Variants in ADGRB3 observed in about 807,000 individuals in gnomAD.
ADGRB3 encodes brain-specific angiogenesis inhibitor 3.
A neutral mutation model predicts 193.4 loss-of-function variants in ADGRB3; 37 were observed. The ratio of observed to expected loss-of-function variants is 0.19; its 90% confidence interval spans 0.15 to 0.25. ADGRB3 has a LOEUF of 0.25. Ranked by LOEUF, ADGRB3 falls within the 10% of genes least tolerant of loss-of-function variation. The probability of loss-of-function intolerance (pLI) is 1.00; values close to 1 mark genes in which losing one functional copy is unlikely to be tolerated. For missense variants in ADGRB3, 1,637 were observed against 1,852.9 expected (o/e 0.88, Z 2.14); for synonymous variants, 690 against 644.2 (o/e 1.07, Z -1.08).
chr6:69,121,004 T>G (rs1561925189), intron 17 of ADGRB3, among the ~76,000 whole-genome samples: 2 of 151,114 alleles, frequency 1.3e-5, no homozygotes, highest in Non-Finnish European at 3.0e-5. Flanking sequence ...GTTATCTTTT[T>G]TTTTTTTTTT....
chr6:68,803,878 G>T (rs956590927), intron 3 of ADGRB3, among the ~76,000 whole-genome samples: 1 of 152,134 alleles, frequency 6.6e-6, no homozygotes, highest in Non-Finnish European at 1.5e-5. Flanking sequence ...TTCTTTGTCT[G>T]AATCAATGGT....
intron 26 of ADGRB3, among the ~76,000 whole-genome samples, chr6:69,340,363 A>T (rs1768948630): frequency 6.6e-6 from 1 of 152,208 alleles, no homozygotes; most frequent in Non-Finnish European, 1.5e-5. Flanking sequence ...GAGTCATTTT[A>T]GCATTTACTC....
In ADGRB3 at chr6:68,969,938, T is replaced by C. The variant is rs150882535; in HGVS notation, c.1526-4825T>C. On this transcript the variant is annotated intron_variant, in intron 8 of 31. Transcript: ENST00000370598. ...TTCAATGGCTGCCCATGTGGCCCTA[T>C]AGGCTCTAATCATGGCCTCTCTCAC... Among the ~76,000 whole-genome samples, 1,289 of 152,310 alleles carry C rather than the reference T, an allele frequency of 8.5e-3. 32 individuals are homozygous for C. The highest frequency in any genetic ancestry group is 0.03 in the African/African-American group (1,230 of 41,568).
chr6:68,636,970 A>C (rs1424853828), intron 1 of ADGRB3, among the ~76,000 whole-genome samples: 1 of 151,962 alleles, frequency 6.6e-6, no homozygotes, highest in Non-Finnish European at 1.5e-5. Flanking sequence ...AAAAAAAAAA[A>C]AAAAAAAGGA....
intron 3 of ADGRB3, among the ~76,000 whole-genome samples, chr6:68,685,310 G>A (rs1224183428): frequency 6.6e-6 from 1 of 152,062 alleles, no homozygotes; most frequent in South Asian, 2.1e-4. Flanking sequence ...ATTGTATATT[G>A]TATCTCTGAA....
At chr6:69,279,740 C>T (rs771537087) in intron 20 of ADGRB3, among the ~76,000 whole-genome samples, 2 of 151,882 alleles carry the variant, frequency 1.3e-5, no homozygotes, top group African/African-American at 2.4e-5. Context: ...GAATCCAGCC[C>T]GTTAATGAGA....
chr6:69,040,672 G>A lies in ADGRB3; in HGVS notation c.2108-7513G>A, dbSNP rs1220619622. On this transcript the variant is annotated intron_variant, in intron 13 of 31. Transcript: ENST00000370598. ...ATGCCCAGGCTTTGAAATGACTGAT[G>A]GACAAAAAAAAAAAAAAAAAAAAAA... Among the ~76,000 whole-genome samples the A allele has an allele frequency of 2.2e-4, 6 of 27,566 alleles. No individual in the cohort carries two copies. The South Asian group carries it at 8.7e-3, about 40-fold the overall frequency. The allele number at this position is 27,566 out of a possible 152,430, so 18.1% of individuals were successfully genotyped here. A position where few individuals can be genotyped will look rare whatever the true frequency, so the allele number is the denominator to read the frequency against.
chr6:68,969,882 A>T (rs1195039228), intron 8 of ADGRB3, among the ~76,000 whole-genome samples: 1 of 152,206 alleles, frequency 6.6e-6, no homozygotes, highest in Non-Finnish European at 1.5e-5. Flanking sequence ...CTTAAAATTT[A>T]AAATTGAATC....
chr6:68,955,883 A>T, intron 6 of ADGRB3, 141 bp from the exon 7 acceptor site: 2 of 700,026 alleles, frequency 2.9e-6, no homozygotes, highest in Admixed American at 3.4e-5. Context: ...ATAAAATCTC[A>T]TGCTGGTGTG....
chr6:69,346,983 A>G (rs1184457084), intron 26 of ADGRB3, among the ~76,000 whole-genome samples: 2 of 152,228 alleles, frequency 1.3e-5, no homozygotes, highest in South Asian at 2.1e-4. Flanking sequence ...GATAGAATGG[A>G]TAAAGAAAAT....
intron 17 of ADGRB3, among the ~76,000 whole-genome samples, chr6:69,218,596 G>A (rs1765823371): frequency 6.6e-6 from 1 of 152,116 alleles, no homozygotes; most frequent in African/African-American, 2.4e-5. Context: ...AATATACCCA[G>A]CAGACTGAAA....
intron 25 of ADGRB3, 32 bp from the exon 26 acceptor site, chr6:69,339,301 G>A: frequency 6.2e-7 from 1 of 1,607,174 alleles, no homozygotes; most frequent in South Asian, 1.1e-5. Context: ...GTGATGTATA[G>A]CTACGTAATG....
intron 17 of ADGRB3, among the ~76,000 whole-genome samples, chr6:69,201,807 A>C (rs951326316): frequency 6.6e-6 from 1 of 152,058 alleles, no homozygotes; most frequent in Non-Finnish European, 1.5e-5. Flanking sequence ...GACTATTTCA[A>C]CTACCTCCAG....
intron 3 of ADGRB3, among the ~76,000 whole-genome samples, chr6:68,886,469 C>G (rs548787741): frequency 6.6e-5 from 10 of 152,214 alleles, no homozygotes; most frequent in Admixed American, 3.3e-4. Context: ...GACTGTCTCA[C>G]ATATACTTCT....
intron 17 of ADGRB3, among the ~76,000 whole-genome samples, chr6:69,231,011 G>A (rs1050774737): frequency 2.0e-5 from 3 of 152,160 alleles, no homozygotes; most frequent in Admixed American, 1.3e-4. Context: ...GCCCCAGTGA[G>A]AGTAGAAGCA....
chr6:68,941,818 G>T (rs564895921), intron 5 of ADGRB3, among the ~76,000 whole-genome samples: 3 of 151,186 alleles, frequency 2.0e-5, no homozygotes, highest in South Asian at 2.1e-4. Flanking sequence ...AAACTATTTT[G>T]CCATAATTGA....
intron 3 of ADGRB3, among the ~76,000 whole-genome samples, chr6:68,765,569 CA>C (rs1364890473): frequency 4.0e-5 from 6 of 151,640 alleles, no homozygotes; most frequent in African/African-American, 1.2e-4. Context: ...CACACACACA[CA>C]CACACACCTG....
chr6:68,703,905 G>A (rs1765284145), intron 3 of ADGRB3, among the ~76,000 whole-genome samples: 1 of 152,180 alleles, frequency 6.6e-6, no homozygotes, highest in African/African-American at 2.4e-5. Context: ...TTACAGGTGT[G>A]AGCCACTGTG....
chr6:69,166,642 A>G (rs1775138191), intron 17 of ADGRB3, among the ~76,000 whole-genome samples: 2 of 152,104 alleles, frequency 1.3e-5, no homozygotes, highest in Non-Finnish European at 2.9e-5. Context: ...TTTTCCAACA[A>G]ATATTGAGTG....
Sources: gnomAD v4.1 joint callset for allele counts (sites outside exome capture counted in the v4.1 genomes callset) on GRCh38, gnomAD v4.1.1 for gene constraint, MANE v1.5 for transcripts, NCBI Gene and HGNC (gene_info 2026-07-23, HGNC 2026-07-21) for gene names.